Variants in XXYLT1 observed in about 807,000 individuals in gnomAD.
The protein encoded by XXYLT1 is xyloside xylosyltransferase 1.
In XXYLT1, 20 loss-of-function variants were observed where a neutral mutation model predicts 28.9. That is an observed-to-expected ratio of 0.69 (90% CI 0.49 to 1.00). The LOEUF is 1.00. Ranked by LOEUF, XXYLT1 falls within the 50% of genes least tolerant of loss-of-function variation. The probability of loss-of-function intolerance (pLI) is 0.00; values close to 1 mark genes in which losing one functional copy is unlikely to be tolerated. For synonymous variants in XXYLT1, 257 were observed against 253.8 expected, an observed-to-expected ratio of 1.01 and a Z score of -0.12; for missense variants, 542 against 560.1, an observed-to-expected ratio of 0.97 and a Z score of 0.33.
chr3:195,254,537 T>G (rs547508813), intron 1 of XXYLT1, among the ~76,000 whole-genome samples: 1 of 152,236 alleles, frequency 6.6e-6, no homozygotes, highest in Non-Finnish European at 1.5e-5. Flanking sequence ...AAAACTGCTC[T>G]TTTGTTTCCC....
intron 1 of XXYLT1, among the ~76,000 whole-genome samples, chr3:195,262,472 T>G (rs1358716571): frequency 6.7e-6 from 1 of 149,676 alleles, no homozygotes. Context: ...AGCTTTATGG[T>G]ACATGAATTA....
chr3:195,251,869 G>C (rs1725269355), intron 1 of XXYLT1, among the ~76,000 whole-genome samples: 1 of 152,208 alleles, frequency 6.6e-6, no homozygotes, highest in South Asian at 2.1e-4. Context: ...CCAGGACCCA[G>C]CAGCCCCTTC....
rs1421849048 is a variant in XXYLT1 at position 195,076,215 on chromosome 3, G to A, written c.786-6104C>T. ...GCCTGGAGGAAGGTCTGGGGGCTCG[G>A]GGAAGTGAGAAAAGAGGTGACATCT... On this transcript the variant is annotated intron_variant, in intron 3 of 3. Coordinates refer to ENST00000310380, the MANE Select transcript of XXYLT1 (RefSeq NM_152531.5). This position sits in a 1 kb window ranked among gnomAD's most constrained non-coding sequence, Gnocchi z 5.3. Among the ~76,000 whole-genome samples, 4 of 152,196 alleles carry A rather than the reference G, an allele frequency of 2.6e-5. No individual in the cohort carries two copies. Among genetic ancestry groups the A allele is most frequent in the African/African-American group, 9.7e-5 (4 of 41,448 alleles).
intron 2 of XXYLT1, among the ~76,000 whole-genome samples, chr3:195,161,582 C>A (rs939742909): frequency 7.2e-5 from 11 of 152,072 alleles, no homozygotes; most frequent in African/African-American, 2.7e-4. Context: ...GGGTTTTATG[C>A]CCTTGTATCA....
intron 3 of XXYLT1, among the ~76,000 whole-genome samples, chr3:195,071,423 G>A (rs1030972069): frequency 3.3e-5 from 5 of 152,214 alleles, no homozygotes; most frequent in Admixed American, 2.0e-4. Flanking sequence ...ACATTGCTCC[G>A]CTTCTGGGAA....
intron 2 of XXYLT1, among the ~76,000 whole-genome samples, chr3:195,189,766 C>A (rs960689032): frequency 6.6e-6 from 1 of 151,876 alleles, no homozygotes; most frequent in African/African-American, 2.4e-5. Context: ...TGGAGAAAGA[C>A]AAAATAGGTG....
Position 195,270,891 on chromosome 3 carries a change from C to CT in XXYLT1, c.167dup (p.Glu57GlyfsTer82). The CT allele has an allele frequency of 6.8e-7, 1 of 1,468,156 alleles. No homozygotes were observed. The highest frequency in any genetic ancestry group is 9.0e-7 in the Non-Finnish European group (1 of 1,111,600). 90.9% of individuals were successfully genotyped at this position (1,468,156 alleles called of 1,614,324 possible). ...CGGCGGGAGCCCCGGCGCGGGCCTC[C>CT]TTCAGCCTCTTGGTGGCGCTGGAGA... On this transcript the variant is annotated frameshift_variant, in exon 1 of 4. Transcript: ENST00000310380. LOFTEE classifies it high-confidence loss of function.
At chr3:195,229,241 C>T (rs1185803520) in intron 1 of XXYLT1, among the ~76,000 whole-genome samples, 1 of 151,912 alleles carries the variant, frequency 6.6e-6, no homozygotes, top group Admixed American at 6.6e-5. Context: ...AACTTTGTTA[C>T]TATTTTTTTA....
Position 195,133,609 on chromosome 3 carries a change from C to T in XXYLT1, c.785+22840G>A, listed in dbSNP as rs75243480. Among the ~76,000 whole-genome samples the T allele has an allele frequency of 2.9e-4, 44 of 152,310 alleles. No individual in the cohort carries two copies. The highest frequency in any genetic ancestry group is 3.4e-3 in the Middle Eastern group (1 of 294). On this transcript the variant is annotated intron_variant, in intron 3 of 3. Coordinates refer to ENST00000310380, the MANE Select transcript of XXYLT1 (RefSeq NM_152531.5). This position sits in a 1 kb window ranked among gnomAD's most constrained non-coding sequence, Gnocchi z 4.4. Reference sequence around the variant, plus strand: ...CTCTGCTACGCCTAACAAGCAGAGGCGGACGAGCTGCTGTGCCAAACGCTC... The same window carrying T: ...CTCTGCTACGCCTAACAAGCAGAGGTGGACGAGCTGCTGTGCCAAACGCTC...
chr3:195,194,760 T>C (rs1352502936), intron 2 of XXYLT1, among the ~76,000 whole-genome samples: 1 of 152,166 alleles, frequency 6.6e-6, no homozygotes, highest in Non-Finnish European at 1.5e-5. Flanking sequence ...TGCTACAACA[T>C]GGATGAACCT....
chr3:195,264,710 C>T (rs1017513288), intron 1 of XXYLT1, among the ~76,000 whole-genome samples: 4 of 152,164 alleles, frequency 2.6e-5, no homozygotes, highest in African/African-American at 9.7e-5. Context: ...GTGTCTGGCA[C>T]AGGATATGCA....
Position 195,124,226 on chromosome 3 carries a change from G to A in XXYLT1, c.785+32223C>T, listed in dbSNP as rs1718505612. The stretch of plus-strand genomic sequence containing the variant: ...AGAGACAGAGGGCCAGGGTGGTTAC[G>A]CAGTAAGCCAGATCTCAGGTAGAGT... On this transcript the variant is annotated intron_variant, in intron 3 of 3. Transcript: ENST00000310380. The surrounding 1 kb of genome is among the most constrained non-coding windows in gnomAD (Gnocchi z 4.1). Among the ~76,000 whole-genome samples, 1 of 152,228 alleles carries A rather than the reference G, an allele frequency of 6.6e-6. No homozygotes were observed. The highest frequency in any genetic ancestry group is 1.5e-5 in the Non-Finnish European group (1 of 68,048).
At chr3:195,231,746 T>C (rs1007005766) in intron 1 of XXYLT1, among the ~76,000 whole-genome samples, 1 of 142,726 alleles carries the variant, frequency 7.0e-6, no homozygotes, top group Non-Finnish European at 1.6e-5. Flanking sequence ...TTGGTCATGA[T>C]GAATGATTTT....
Position 195,133,883 on chromosome 3 carries a change from GA to G in XXYLT1, c.785+22565del, listed in dbSNP as rs1719030795. On this transcript the variant is annotated intron_variant, in intron 3 of 3. Coordinates refer to ENST00000310380, the MANE Select transcript of XXYLT1 (RefSeq NM_152531.5). This position sits in a 1 kb window ranked among gnomAD's most constrained non-coding sequence, Gnocchi z 4.4. ...TAAAAAATTAAAAACTTACAAAATGGAAAAAAGCTTACAGAATAAGGATAAA... is the reference window on the plus strand; with the variant it reads ...TAAAAAATTAAAAACTTACAAAATGGAAAAAGCTTACAGAATAAGGATAAA... 6.6e-6 allele frequency among the ~76,000 whole-genome samples: 1 copy of G among 152,130 alleles called. No individual in the cohort carries two copies. Among genetic ancestry groups the G allele is most frequent in the African/African-American group, 2.4e-5 (1 of 41,416 alleles).
intron 1 of XXYLT1, among the ~76,000 whole-genome samples, chr3:195,268,969 G>A (rs141032168): frequency 3.9e-5 from 6 of 152,322 alleles, no homozygotes; most frequent in African/African-American, 1.4e-4. Flanking sequence ...AAGGAAAGAA[G>A]GGACGCTTCC....
chr3:195,083,330 G>T (rs1715543536), intron 3 of XXYLT1, among the ~76,000 whole-genome samples: 1 of 152,176 alleles, frequency 6.6e-6, no homozygotes, highest in South Asian at 2.1e-4. Context: ...CAGCCTGACA[G>T]AACCTCTCGA....
At chr3:195,226,477 C>G (rs1724056700) in intron 2 of XXYLT1, among the ~76,000 whole-genome samples, 2 of 152,044 alleles carry the variant, frequency 1.3e-5, no homozygotes, top group South Asian at 2.1e-4. Flanking sequence ...AGCCCAGAGA[C>G]CCCCTGTGTC....
chr3:195,101,830 A>G (rs1458947024), intron 3 of XXYLT1, among the ~76,000 whole-genome samples: 90 of 119,954 alleles, frequency 7.5e-4, no homozygotes, highest in African/African-American at 2.4e-3. Flanking sequence ...AAGGGAGGGG[A>G]GGGGAGGAGA....
chr3:195,092,314 C>T (rs1203642238), intron 3 of XXYLT1, among the ~76,000 whole-genome samples: 1 of 147,494 alleles, frequency 6.8e-6, no homozygotes, highest in African/African-American at 2.5e-5. Context: ...CAGCATGGTA[C>T]TGGTACCAAA....
Sources: gnomAD v4.1 joint callset for allele counts (sites outside exome capture counted in the v4.1 genomes callset) on GRCh38, gnomAD v4.1.1 for gene constraint, Gnocchi (gnomAD v3.1) non-coding constraint, MANE v1.5 for transcripts, NCBI Gene and HGNC (gene_info 2026-07-23, HGNC 2026-07-21) for gene names.